The following VSNL1 variants were observed in gnomAD, a reference collection of about 807,000 sequenced individuals.
VSNL1 encodes visinin like 1.
A neutral mutation model predicts 20.4 loss-of-function variants in VSNL1; 6 were observed. The ratio of observed to expected loss-of-function variants is 0.29; its 90% CI spans 0.16 to 0.58. The LOEUF is 0.58. Ranked by LOEUF, VSNL1 falls within the 20% of genes least tolerant of loss-of-function variation. The pLI is 0.90. For synonymous variants in VSNL1, 93 were observed against 86.4 expected, an observed-to-expected ratio of 1.08 and a Z score of -0.42; for missense variants, 100 against 234.5, an observed-to-expected ratio of 0.43 and a Z score of 3.75.
chr2:17,591,978 C>G (rs146567836), intron 1 of VSNL1, 92 bp from the exon 2 acceptor site: 2 of 1,462,322 alleles, frequency 1.4e-6, no homozygotes, highest in East Asian at 4.6e-5. Flanking sequence ...GAGTTCCGAC[C>G]ATGGGACTGC....
At chr2:17,641,125 T>C (rs941771294) in intron 2 of VSNL1, among the ~76,000 whole-genome samples, 8 of 152,198 alleles carry the variant, frequency 5.3e-5, no homozygotes, top group Non-Finnish European at 1.5e-5. Flanking sequence ...ATTGTCACCA[T>C]GACGCTGTGA....
In VSNL1 at chr2:17,655,422, A is replaced by G. The variant is rs1666208465; in HGVS notation, c.*28A>G. 2 of 1,587,318 alleles carry G rather than the reference A, an allele frequency of 1.3e-6. No homozygotes were observed. Among genetic ancestry groups the G allele is most frequent in the African/African-American group, 1.4e-5 (1 of 73,798 alleles). ...TGATGTCAATGCTATGGACTGCACA[A>G]AAGTCTCAATGTTCCATTCAGTCTG... is the stretch of plus-strand genomic sequence containing the variant. On this transcript the variant is annotated 3_prime_UTR_variant, in exon 4 of 4. Transcript: ENST00000295156. The surrounding 1 kb of genome is among the most constrained non-coding windows in gnomAD (Gnocchi z 5.2).
chr2:17,641,124 A>G (rs956438830), intron 2 of VSNL1, among the ~76,000 whole-genome samples: 2 of 152,196 alleles, frequency 1.3e-5, no homozygotes, highest in African/African-American at 4.8e-5. Context: ...CATTGTCACC[A>G]TGACGCTGTG....
intron 1 of VSNL1, among the ~76,000 whole-genome samples, chr2:17,552,259 C>T (rs1024405769): frequency 4.0e-5 from 6 of 151,172 alleles, no homozygotes; most frequent in South Asian, 4.2e-4. Flanking sequence ...GATACTTACA[C>T]GCGTTACTTC....
At chr2:17,603,496 G>A (rs767205403) in intron 2 of VSNL1, among the ~76,000 whole-genome samples, 21 of 152,176 alleles carry the variant, frequency 1.4e-4, no homozygotes, top group Non-Finnish European at 2.5e-4. Flanking sequence ...TGTTGCAGGG[G>A]ACACAAACAT....
chr2:17,632,454 C>A (rs555005867), intron 2 of VSNL1, among the ~76,000 whole-genome samples: 3 of 152,242 alleles, frequency 2.0e-5, no homozygotes, highest in Middle Eastern at 3.4e-3. Context: ...GCATGCATCA[C>A]CACACCCAGC....
At chr2:17,589,449 G>A (rs1664550444) in intron 1 of VSNL1, among the ~76,000 whole-genome samples, 1 of 152,142 alleles carries the variant, frequency 6.6e-6, no homozygotes, top group Admixed American at 6.5e-5. Context: ...GTTGGAGTCA[G>A]GTAGCCCAGT....
chr2:17,549,382 A>G, intron 1 of VSNL1, among the ~76,000 whole-genome samples: 1 of 152,226 alleles, frequency 6.6e-6, no homozygotes, highest in Admixed American at 6.5e-5. Context: ...ACATCCAGAT[A>G]GATAGATACA....
chr2:17,649,487 T>C lies in VSNL1; in HGVS notation c.240T>C (p.Ile80=), dbSNP rs1429712638. 2.5e-6 allele frequency: 4 copies of C among 1,614,166 alleles called. No individual in the cohort carries two copies. The highest frequency in any genetic ancestry group is 3.4e-6 in the Non-Finnish European group (4 of 1,180,014). The change falls in exon 3 of 4, where the codon ATT becomes ATC. Residue 80 remains isoleucine, a synonymous_variant. Transcript: ENST00000295156. This position sits in a 1 kb window ranked among gnomAD's most constrained non-coding sequence, Gnocchi z 6.4. ...TCGACAAGAATGGGGACGGCACCAT[T>C]GACTTCCGAGAGTTCATCTGCGCTC... The part of the protein sequence containing the change: ...RTFDKNGDGT[I]DFREFICALS...
intron 2 of VSNL1, among the ~76,000 whole-genome samples, chr2:17,637,416 G>A (rs932028936): frequency 6.6e-6 from 1 of 152,180 alleles, no homozygotes; most frequent in Non-Finnish European, 1.5e-5. Context: ...GGCAGGCTTG[G>A]CTGACCCCTG....
chr2:17,584,397 T>C (rs577629955), intron 1 of VSNL1, among the ~76,000 whole-genome samples: 25 of 152,256 alleles, frequency 1.6e-4, no homozygotes, highest in African/African-American at 6.0e-4. Context: ...CAGATGGCAG[T>C]TGCATCTGAC....
chr2:17,632,407 TCTC>T (rs1558306679), intron 2 of VSNL1, among the ~76,000 whole-genome samples: 1 of 152,104 alleles, frequency 6.6e-6, no homozygotes, highest in Non-Finnish European at 1.5e-5. Context: ...TTCAAGTGAT[TCTC>T]CTGACTCAGC....
intron 1 of VSNL1, among the ~76,000 whole-genome samples, chr2:17,566,197 G>C (rs1264853048): frequency 6.6e-6 from 1 of 151,156 alleles, no homozygotes; most frequent in Non-Finnish European, 1.5e-5. Context: ...TTCTTTTTTT[G>C]CTATTACAAA....
intron 2 of VSNL1, among the ~76,000 whole-genome samples, chr2:17,616,928 T>C (rs1665230936): frequency 6.6e-6 from 1 of 152,182 alleles, no homozygotes; most frequent in African/African-American, 2.4e-5. Context: ...CTGAGAAAGA[T>C]GGGGAGTGTA....
chr2:17,556,708 G>A (rs1663686495), intron 1 of VSNL1, among the ~76,000 whole-genome samples: 1 of 152,110 alleles, frequency 6.6e-6, no homozygotes, highest in Admixed American at 6.6e-5. Flanking sequence ...AAGCTCTTAG[G>A]CTGAACATTT....
chr2:17,569,713 A>G (rs1664036438), intron 1 of VSNL1, among the ~76,000 whole-genome samples: 1 of 152,210 alleles, frequency 6.6e-6, no homozygotes, highest in Non-Finnish European at 1.5e-5. Context: ...AAATGTATTA[A>G]GTTTATATTT....
intron 1 of VSNL1, among the ~76,000 whole-genome samples, chr2:17,556,625 T>A (rs1163959752): frequency 6.6e-6 from 1 of 152,172 alleles, no homozygotes; most frequent in Non-Finnish European, 1.5e-5. Context: ...AACCAGATAG[T>A]TATCATTGTT....
chr2:17,557,356 A>G (rs1328685882), intron 1 of VSNL1, among the ~76,000 whole-genome samples: 2 of 152,180 alleles, frequency 1.3e-5, no homozygotes, highest in Admixed American at 1.3e-4. Flanking sequence ...TTTATTGGAC[A>G]TCATTTGCCT....
chr2:17,579,061 C>T (rs1190424230), intron 1 of VSNL1, among the ~76,000 whole-genome samples: 1 of 152,168 alleles, frequency 6.6e-6, no homozygotes, highest in Non-Finnish European at 1.5e-5. Flanking sequence ...ATTTGAAAAC[C>T]TACTCCCTCT....
Sources: allele counts gnomAD v4.1 joint callset (sites outside exome capture counted in the v4.1 genomes callset), GRCh38; gene constraint gnomAD v4.1.1; non-coding constraint Gnocchi (gnomAD v3.1); transcripts MANE v1.5; gene names NCBI Gene and HGNC (gene_info 2026-07-23, HGNC 2026-07-21).